MEF2A: variants seen among roughly 807,000 people sequenced by gnomAD.
MEF2A encodes myocyte-specific enhancer factor 2A.
A neutral mutation model predicts 55.8 loss-of-function variants in MEF2A; 28 were observed. That is an observed-to-expected ratio of 0.50 (90% CI 0.37 to 0.69). The LOEUF is 0.69. MEF2A is among the 30% of genes least tolerant of loss of function. The pLI is 0.00. For synonymous variants in MEF2A, 239 were observed against 227.1 expected (o/e 1.05, Z -0.47); for missense variants, 528 against 626.2 (o/e 0.84, Z 1.67).
intron 2 of MEF2A, among the ~76,000 whole-genome samples, chr15:99,627,070 T>C (rs1032827624): frequency 6.6e-6 from 1 of 152,116 alleles, no homozygotes; most frequent in African/African-American, 2.4e-5. Context: ...TTTAGCTACA[T>C]GGAAGCTGGT....
At chr15:99,707,803 G>A (rs2058205703) in intron 10 of MEF2A, among the ~76,000 whole-genome samples, 1 of 152,130 alleles carries the variant, frequency 6.6e-6, no homozygotes, top group South Asian at 2.1e-4. Flanking sequence ...TAGCCTTCAG[G>A]GTAAATGCTT....
At chr15:99,686,001 TC>T (rs772534740) in intron 7 of MEF2A, among the ~76,000 whole-genome samples, 5 of 152,170 alleles carry the variant, frequency 3.3e-5, no homozygotes, top group Non-Finnish European at 5.9e-5. Context: ...TTGTTATTGG[TC>T]CATGCAGAGT....
rs371401290 is a variant in MEF2A, at chr15:99,690,440, C to G, written c.858+12C>G. 85 of 1,569,684 alleles carry G rather than the reference C, an allele frequency of 5.4e-5. 1 individual carries two copies. The African/African-American group carries it at 1.0e-3, about 18-fold the overall frequency. On this transcript the variant is annotated intron_variant, in intron 8 of 11. Transcript: ENST00000557942. The stretch of plus-strand genomic sequence containing the variant: ...TGATGCCTCCACTAGTAAGTTGAAC[C>G]TTTCTTCAACTTCATTCTTTAAAAC...
intron 2 of MEF2A, among the ~76,000 whole-genome samples, chr15:99,608,867 C>CT (rs1976085150): frequency 1.3e-5 from 2 of 151,698 alleles, no homozygotes; most frequent in South Asian, 4.1e-4. Context: ...TGCCATTGGA[C>CT]TCCAGCCTGG....
At chr15:99,616,256 T>G (rs1033627832) in intron 2 of MEF2A, among the ~76,000 whole-genome samples, 4 of 152,164 alleles carry the variant, frequency 2.6e-5, no homozygotes, top group African/African-American at 9.6e-5. Flanking sequence ...TGAGAAAATA[T>G]TTTCTAGGAA....
intron 3 of MEF2A, among the ~76,000 whole-genome samples, chr15:99,645,143 G>A (rs560171075): frequency 6.6e-6 from 1 of 152,280 alleles, no homozygotes; most frequent in East Asian, 1.9e-4. Context: ...GGCTTGAGAG[G>A]GAGGAGAAAT....
chr15:99,701,144 T>C (rs776295517), intron 8 of MEF2A, among the ~76,000 whole-genome samples: 1 of 152,136 alleles, frequency 6.6e-6, no homozygotes, highest in African/African-American at 2.4e-5. Flanking sequence ...AGGGAAAAAT[T>C]AGAGAATTAG....
chr15:99,600,576 T>G (rs1472426410), intron 2 of MEF2A, among the ~76,000 whole-genome samples: 1 of 152,154 alleles, frequency 6.6e-6, no homozygotes. Context: ...TGAATTAATT[T>G]TTGTATATGG....
At chr15:99,685,076 G>A (rs2053956515) in intron 7 of MEF2A, among the ~76,000 whole-genome samples, 2 of 152,114 alleles carry the variant, frequency 1.3e-5, no homozygotes, top group African/African-American at 4.8e-5. Context: ...CCAGTACCTT[G>A]CTTTTCTGGT....
At chr15:99,654,793 C>G (rs1015973803) in intron 4 of MEF2A, among the ~76,000 whole-genome samples, 1 of 152,068 alleles carries the variant, frequency 6.6e-6, no homozygotes, top group Non-Finnish European at 1.5e-5. Context: ...GAATTTGTTC[C>G]ATATTTGTGC....
chr15:99,586,221 T>A (rs1967198671), intron 1 of MEF2A, among the ~76,000 whole-genome samples: 2 of 152,184 alleles, frequency 1.3e-5, no homozygotes, highest in Admixed American at 1.3e-4. Context: ...GGTCACATGG[T>A]ATATGTATCT....
intron 3 of MEF2A, among the ~76,000 whole-genome samples, chr15:99,637,116 C>G (rs1450402659): frequency 6.6e-6 from 1 of 150,420 alleles, no homozygotes; most frequent in Admixed American, 6.6e-5. Flanking sequence ...TAGTTCTGCA[C>G]CTTTTTTTTT....
chr15:99,570,365 CAAAAT>C (rs1302251800), intron 1 of MEF2A, among the ~76,000 whole-genome samples: 3 of 151,904 alleles, frequency 2.0e-5, no homozygotes, highest in African/African-American at 7.3e-5. Flanking sequence ...ACTTCAAAAA[CAAAAT>C]AAACAAGAAA....
intron 8 of MEF2A, among the ~76,000 whole-genome samples, chr15:99,693,056 C>T (rs759619935): frequency 1.3e-5 from 2 of 152,076 alleles, no homozygotes; most frequent in African/African-American, 2.4e-5. Flanking sequence ...AGATCCCCAC[C>T]CCCAGAGGGA....
chr15:99,661,017 C>T (rs565487749), intron 4 of MEF2A, among the ~76,000 whole-genome samples: 3 of 152,230 alleles, frequency 2.0e-5, no homozygotes, highest in Non-Finnish European at 4.4e-5. Flanking sequence ...TAATAATGAA[C>T]ATACAGTGGC....
chr15:99,660,087 G>T (rs1275556054), intron 4 of MEF2A, among the ~76,000 whole-genome samples: 1 of 152,144 alleles, frequency 6.6e-6, no homozygotes, highest in Non-Finnish European at 1.5e-5. Flanking sequence ...AGCAAAACCA[G>T]CTAGGAGAGT....
At chr15:99,601,805 TTTTGTGTGTGTGTGTG>T (rs1470756275) in intron 2 of MEF2A, among the ~76,000 whole-genome samples, 2 of 127,080 alleles carry the variant, frequency 1.6e-5, no homozygotes, top group African/African-American at 3.0e-5. Flanking sequence ...TTTTTGTCTG[TTTTGTGTGTGTGTGTG>T]TGTGTGTGTG....
At chr15:99,652,141 C>T (rs1452761218) in intron 4 of MEF2A, among the ~76,000 whole-genome samples, 1 of 152,064 alleles carries the variant, frequency 6.6e-6, no homozygotes, top group Non-Finnish European at 1.5e-5. Context: ...ATGCTATCAC[C>T]AGAGTTCTTT....
chr15:99,666,578 T>TATAATAATA (rs55855939), intron 4 of MEF2A, among the ~76,000 whole-genome samples: 15,109 of 141,056 alleles, frequency 0.11, 986 homozygotes, highest in South Asian at 0.15. Context: ...GAACTTAAAG[T>TATAATAATA]ATAATAATAA....
Sources: allele counts gnomAD v4.1 joint callset (sites outside exome capture counted in the v4.1 genomes callset), GRCh38; gene constraint gnomAD v4.1.1; transcripts MANE v1.5; gene names NCBI Gene and HGNC (gene_info 2026-07-23, HGNC 2026-07-21).